MARCHF1: variants seen among roughly 807,000 people sequenced by gnomAD.
The protein encoded by MARCHF1 is membrane associated ring-CH-type finger 1, also known as E3 ubiquitin-protein ligase MARCHF1.
A neutral mutation model predicts 54.2 loss-of-function variants in MARCHF1; 40 were observed. The ratio of observed to expected loss-of-function variants is 0.74; its 90% CI spans 0.57 to 0.96. The LOEUF is 0.96. MARCHF1 is among the 40% of genes least tolerant of loss of function. The pLI, the probability that MARCHF1 is intolerant of heterozygous loss-of-function variation, is 0.00. For missense variants in MARCHF1, 586 were observed against 656.5 expected, an observed-to-expected ratio of 0.89 and a Z score of 1.17; for synonymous variants, 236 against 236.3, an observed-to-expected ratio of 1.00 and a Z score of 0.01.
At chr4:163,825,492 G>A (rs1365234992) in intron 4 of MARCHF1, among the ~76,000 whole-genome samples, 4 of 151,898 alleles carry the variant, frequency 2.6e-5, no homozygotes, top group African/African-American at 7.2e-5. Context: ...TGGTAATTCC[G>A]TTTTAAGTTT....
At chr4:164,198,665 T>C (rs1427043118) in intron 1 of MARCHF1, among the ~76,000 whole-genome samples, 1 of 152,206 alleles carries the variant, frequency 6.6e-6, no homozygotes, top group Non-Finnish European at 1.5e-5. Context: ...AGCACAGGCA[T>C]TAGGAAATTT....
At chr4:164,270,891 CA>C (rs1733729167) in intron 1 of MARCHF1, among the ~76,000 whole-genome samples, 1 of 151,916 alleles carries the variant, frequency 6.6e-6, no homozygotes, top group African/African-American at 2.4e-5. Flanking sequence ...TATAGAAGAC[CA>C]AAGGGCCAAA....
intron 4 of MARCHF1, among the ~76,000 whole-genome samples, chr4:163,851,861 G>A (rs1749650423): frequency 6.6e-6 from 1 of 152,204 alleles, no homozygotes. Context: ...ATCAAAAGAT[G>A]GAAGGAGTCT....
chr4:164,066,725 G>T (rs1754737685), intron 2 of MARCHF1, among the ~76,000 whole-genome samples: 1 of 152,166 alleles, frequency 6.6e-6, no homozygotes, highest in Non-Finnish European at 1.5e-5. Context: ...GCAGGGACAT[G>T]GATGGAGCTA....
chr4:164,241,051 T>C (rs536436986), intron 1 of MARCHF1, among the ~76,000 whole-genome samples: 2 of 152,206 alleles, frequency 1.3e-5, no homozygotes, highest in East Asian at 3.9e-4. Flanking sequence ...AACCTAAGAT[T>C]GGTCTTTCAG....
At chr4:164,173,487 T>A (rs1730581542) in intron 1 of MARCHF1, among the ~76,000 whole-genome samples, 1 of 152,198 alleles carries the variant, frequency 6.6e-6, no homozygotes. Flanking sequence ...CAATATTGTT[T>A]GGATGTGTTT....
At chr4:164,374,248 AT>A (rs1236382277) in intron 1 of MARCHF1, among the ~76,000 whole-genome samples, 1 of 129,350 alleles carries the variant, frequency 7.7e-6, no homozygotes, top group Non-Finnish European at 1.6e-5. Context: ...AGACGTCAAC[AT>A]TTTTTTAAGT....
chr4:163,532,150 G>A (rs1738374422), intron 9 of MARCHF1, among the ~76,000 whole-genome samples: 1 of 151,824 alleles, frequency 6.6e-6, no homozygotes, highest in Admixed American at 6.6e-5. Flanking sequence ...CAATATTGAA[G>A]TGGAAGAATA....
intron 1 of MARCHF1, among the ~76,000 whole-genome samples, chr4:164,242,168 G>C (rs1193806661): frequency 6.6e-6 from 1 of 150,850 alleles, no homozygotes; most frequent in Non-Finnish European, 1.5e-5. Context: ...CTCCACCTCT[G>C]GGGGCAGGGC....
At position 163,984,858 on chromosome 4, in the gene MARCHF1, A is replaced by G. The variant is rs3792675; in HGVS notation, c.-39+3643T>C. ...AAAAGTAGGCAAATAAGATATAAAG[A>G]GGGTAAACTGTCAGATTCTGACATT... On this transcript the variant is annotated intron_variant, in intron 3 of 9. Coordinates refer to ENST00000514618, the MANE Select transcript of MARCHF1 (RefSeq NM_001394959.1). Among the ~76,000 whole-genome samples, 2,423 of 152,298 alleles carry G rather than the reference A, an allele frequency of 0.016. 108 individuals are homozygous for G. The East Asian group carries it at 0.17, about 11-fold the overall frequency.
intron 8 of MARCHF1, among the ~76,000 whole-genome samples, chr4:163,578,389 C>T (rs1050028846): frequency 1.2e-4 from 18 of 152,158 alleles, no homozygotes; most frequent in African/African-American, 4.3e-4. Context: ...TATCAATCCA[C>T]TAATAAGGAA....
chr4:163,693,633 A>T (rs1744530895), intron 5 of MARCHF1, among the ~76,000 whole-genome samples: 1 of 151,408 alleles, frequency 6.6e-6, no homozygotes, highest in African/African-American at 2.4e-5. Context: ...ATTGCAGCAT[A>T]GTTCTTTCAC....
At chr4:163,893,292 C>T (rs1012589703) in intron 3 of MARCHF1, among the ~76,000 whole-genome samples, 10 of 152,078 alleles carry the variant, frequency 6.6e-5, no homozygotes, top group Admixed American at 3.3e-4. Context: ...GCACCTGCCA[C>T]CACACCTGGC....
intron 1 of MARCHF1, among the ~76,000 whole-genome samples, chr4:164,295,905 T>C (rs374443426): frequency 2.4e-4 from 37 of 152,232 alleles, no homozygotes; most frequent in East Asian, 2.3e-3. Context: ...GTTAATTTAG[T>C]ACATAGAGTA....
At chr4:163,776,187 G>A (rs1747299841) in intron 4 of MARCHF1, among the ~76,000 whole-genome samples, 1 of 151,964 alleles carries the variant, frequency 6.6e-6, no homozygotes, top group South Asian at 2.1e-4. Context: ...ACATCATTAT[G>A]TAAGTTTTAT....
At chr4:164,197,781 C>T in intron 1 of MARCHF1, 1 of 1,604,692 alleles carries the variant, frequency 6.2e-7, no homozygotes, top group Non-Finnish European at 8.5e-7. Context: ...GAACCCACGG[C>T]CGCACGTTTT....
chr4:164,333,320 A>G (rs1185321326), intron 1 of MARCHF1, among the ~76,000 whole-genome samples: 3 of 152,148 alleles, frequency 2.0e-5, no homozygotes, highest in Non-Finnish European at 4.4e-5. Flanking sequence ...CTTTACAGAA[A>G]CTGTTTTTTA....
At chr4:164,298,610 C>T (rs960379483) in intron 1 of MARCHF1, among the ~76,000 whole-genome samples, 5 of 151,928 alleles carry the variant, frequency 3.3e-5, no homozygotes, top group African/African-American at 7.2e-5. Flanking sequence ...TTTCTATGGG[C>T]CTTTCAGATT....
intron 5 of MARCHF1, among the ~76,000 whole-genome samples, chr4:163,669,377 T>G (rs1030445445): frequency 1.3e-5 from 2 of 152,192 alleles, no homozygotes; most frequent in Non-Finnish European, 2.9e-5. Context: ...GGTATTGAAA[T>G]AATTTGAAAT....
Sources: allele counts gnomAD v4.1 joint callset (sites outside exome capture counted in the v4.1 genomes callset), GRCh38; gene constraint gnomAD v4.1.1; transcripts MANE v1.5; gene names NCBI Gene and HGNC (gene_info 2026-07-23, HGNC 2026-07-21).